SMYD3: variants seen among roughly 807,000 people sequenced by gnomAD.
The protein encoded by SMYD3 is SET and MYND domain containing 3, also known as histone-lysine N-methyltransferase SMYD3.
Under a neutral mutation model 57.7 loss-of-function variants are expected in SMYD3, and 36 were observed. The ratio of observed to expected loss-of-function variants is 0.62; its 90% CI spans 0.48 to 0.82. The LOEUF is 0.82. SMYD3 is among the 40% of genes least tolerant of loss of function. The probability of loss-of-function intolerance (pLI) is 0.00; values close to 1 mark genes in which losing one functional copy is unlikely to be tolerated. For missense variants in SMYD3, 515 were observed against 538.8 expected (o/e 0.96, Z 0.44); for synonymous variants, 211 against 195.0 (o/e 1.08, Z -0.68).
At chr1:246,403,441 C>T (rs1253114748) in intron 1 of SMYD3, among the ~76,000 whole-genome samples, 2 of 152,138 alleles carry the variant, frequency 1.3e-5, no homozygotes, top group Non-Finnish European at 2.9e-5. Context: ...AATCAGATGG[C>T]ATTAGTGATG....
intron 5 of SMYD3, among the ~76,000 whole-genome samples, chr1:246,312,480 C>T (rs2065096013): frequency 6.6e-6 from 1 of 152,006 alleles, no homozygotes; most frequent in Admixed American, 6.6e-5. Context: ...ATAAGCAGGG[C>T]ATACAGAAGT....
At chr1:245,867,294 C>T (rs1193676566) in intron 8 of SMYD3, among the ~76,000 whole-genome samples, 1 of 152,224 alleles carries the variant, frequency 6.6e-6, no homozygotes, top group East Asian at 1.9e-4. Flanking sequence ...TTGCCCACAC[C>T]TTGATTTTGG....
intron 5 of SMYD3, among the ~76,000 whole-genome samples, chr1:246,234,453 A>G (rs1045415820): frequency 2.0e-5 from 3 of 151,120 alleles, no homozygotes; most frequent in Non-Finnish European, 2.9e-5. Flanking sequence ...GCAGAGAAGT[A>G]CTCCTTCCGT....
At chr1:246,370,825 C>T (rs1012253366) in intron 1 of SMYD3, among the ~76,000 whole-genome samples, 1 of 152,152 alleles carries the variant, frequency 6.6e-6, no homozygotes, top group African/African-American at 2.4e-5. Flanking sequence ...CTTTTTGAAA[C>T]CCACATGTAG....
chr1:245,774,138 T>C (rs2046444227), intron 10 of SMYD3, among the ~76,000 whole-genome samples: 1 of 152,120 alleles, frequency 6.6e-6, no homozygotes, highest in Non-Finnish European at 1.5e-5. Context: ...AGAATGTGAG[T>C]GAAGAAGGAC....
chr1:246,457,773 T>G (rs1246861354), intron 1 of SMYD3, among the ~76,000 whole-genome samples: 2 of 152,156 alleles, frequency 1.3e-5, no homozygotes, highest in Non-Finnish European at 2.9e-5. Context: ...ACTGCCTACC[T>G]ACTATCCAAA....
intron 5 of SMYD3, among the ~76,000 whole-genome samples, chr1:246,194,900 ATGAAG>A (rs1380801857): frequency 6.6e-6 from 1 of 152,178 alleles, no homozygotes; most frequent in Non-Finnish European, 1.5e-5. Context: ...CCCTCGTACA[ATGAAG>A]ATTAATTCGC....
intron 5 of SMYD3, among the ~76,000 whole-genome samples, chr1:246,078,508 C>T (rs1358428698): frequency 6.6e-6 from 1 of 152,208 alleles, no homozygotes; most frequent in East Asian, 1.9e-4. Context: ...CCTATCTAGA[C>T]CATCTCCTCC....
At chr1:246,135,402 G>A (rs2061651968) in intron 5 of SMYD3, among the ~76,000 whole-genome samples, 1 of 152,104 alleles carries the variant, frequency 6.6e-6, no homozygotes, top group Non-Finnish European at 1.5e-5. Context: ...GCTTAAGTAT[G>A]TTCTAAAATG....
intron 5 of SMYD3, among the ~76,000 whole-genome samples, chr1:245,954,866 C>T (rs2057780404): frequency 6.6e-6 from 1 of 152,178 alleles, no homozygotes; most frequent in Non-Finnish European, 1.5e-5. Flanking sequence ...TTTTTCCAAA[C>T]CATTCTTTAA....
chr1:245,886,710 A>G (rs755686221), intron 8 of SMYD3, among the ~76,000 whole-genome samples: 1 of 152,132 alleles, frequency 6.6e-6, no homozygotes, highest in African/African-American at 2.4e-5. Context: ...AAACCATGCT[A>G]ATTTCCTTGC....
chr1:245,902,116 T>G (rs1465426968), intron 8 of SMYD3, among the ~76,000 whole-genome samples: 1 of 152,094 alleles, frequency 6.6e-6, no homozygotes, highest in African/African-American at 2.4e-5. Flanking sequence ...GCCACTGATA[T>G]TCCCCCATAT....
intron 1 of SMYD3, among the ~76,000 whole-genome samples, chr1:246,438,835 A>G (rs952832499): frequency 1.3e-5 from 2 of 151,276 alleles, no homozygotes; most frequent in African/African-American, 4.9e-5. Flanking sequence ...CTAGTGTGCA[A>G]CCTAGATCCC....
chr1:245,957,295 T>C (rs567662290), intron 5 of SMYD3, among the ~76,000 whole-genome samples: 16 of 152,212 alleles, frequency 1.1e-4, no homozygotes, highest in South Asian at 8.3e-4. Flanking sequence ...TGACACACAA[T>C]AGAAGTAAAA....
chr1:245,811,209 G>A (rs1290112811), intron 10 of SMYD3, among the ~76,000 whole-genome samples: 1 of 152,162 alleles, frequency 6.6e-6, no homozygotes, highest in Non-Finnish European at 1.5e-5. Flanking sequence ...GAGCGCTGAA[G>A]TGCAAAGTAC....
At chr1:245,841,546 C>T (rs2050401580) in intron 10 of SMYD3, among the ~76,000 whole-genome samples, 1 of 152,096 alleles carries the variant, frequency 6.6e-6, no homozygotes, top group African/African-American at 2.4e-5. Context: ...TAACTTAGAT[C>T]TAATTCAAAT....
At chr1:246,017,436 T>C (rs1439492688) in intron 5 of SMYD3, among the ~76,000 whole-genome samples, 1 of 152,184 alleles carries the variant, frequency 6.6e-6, no homozygotes, top group Non-Finnish European at 1.5e-5. Flanking sequence ...GAATCAAGGC[T>C]TCTGTTTGCT....
intron 2 of SMYD3, among the ~76,000 whole-genome samples, chr1:246,348,060 T>TATATATATATATATA (rs1173574600): frequency 7.2e-5 from 6 of 83,012 alleles, no homozygotes; most frequent in East Asian, 4.9e-4. Context: ...AAAGAAAACG[T>TATATATATATATATA]TATATATATA....
At chr1:246,191,276 G>C (rs192952689) in intron 5 of SMYD3, among the ~76,000 whole-genome samples, 2 of 152,138 alleles carry the variant, frequency 1.3e-5, no homozygotes, top group South Asian at 4.1e-4. Context: ...ATCATTCCTC[G>C]TTTGGTGGAC....
Sources: gnomAD v4.1 joint callset for allele counts (sites outside exome capture counted in the v4.1 genomes callset) on GRCh38, gnomAD v4.1.1 for gene constraint, MANE v1.5 for transcripts, NCBI Gene and HGNC (gene_info 2026-07-23, HGNC 2026-07-21) for gene names.